Variants in TPD52 observed in about 807,000 individuals in gnomAD.
TPD52 encodes prostate and colon associated protein.
In TPD52, 17 loss-of-function variants were observed where a neutral mutation model predicts 31.3. The ratio of observed to expected loss-of-function variants is 0.54; its 90% confidence interval spans 0.37 to 0.82. The LOEUF is 0.82. Ranked by LOEUF, TPD52 falls within the 40% of genes least tolerant of loss-of-function variation. The pLI, the probability that TPD52 is intolerant of heterozygous loss-of-function variation, is 0.00. For synonymous variants in TPD52, 83 were observed against 89.6 expected (o/e 0.93, Z 0.42); for missense variants, 212 against 240.1 (o/e 0.88, Z 0.77).
At chr8:80,121,038 C>A (rs1173361474) in intron 1 of TPD52, among the ~76,000 whole-genome samples, 3 of 150,376 alleles carry the variant, frequency 2.0e-5, no homozygotes, top group Non-Finnish European at 4.4e-5. Context: ...GCTGAGATCA[C>A]GCCAGTGCAC....
At position 80,080,507 on chromosome 8, in the gene TPD52, T is replaced by C. The variant is rs1009652907; in HGVS notation, c.20-15914A>G. ...CTAATCGCCTGATATCAGCCTTCAG[T>C]TGAGTGCCGCTTTGGCCATATTCCC... On this transcript the variant is annotated intron_variant, in intron 1 of 7. Transcript: ENST00000518937. The C allele has an allele frequency of 4.5e-5, 72 of 1,602,720 alleles. 1 individual carries two copies. Among genetic ancestry groups the C allele is most frequent in the South Asian group, 3.5e-4 (31 of 89,484 alleles).
At chr8:80,044,351 G>C in intron 5 of TPD52, 143 bp from the exon 6 acceptor site, 1 of 658,844 alleles carries the variant, frequency 1.5e-6, no homozygotes, top group East Asian at 3.3e-5. Flanking sequence ...AGGTGGAGGG[G>C]ATCAAAGTTA....
intron 1 of TPD52, among the ~76,000 whole-genome samples, chr8:80,076,643 T>C (rs938902163): frequency 6.6e-6 from 1 of 152,060 alleles, no homozygotes. Flanking sequence ...AAGAAGCCTG[T>C]ACATGCACCC....
intron 1 of TPD52, among the ~76,000 whole-genome samples, chr8:80,072,434 T>G (rs1421945348): frequency 8.5e-5 from 9 of 106,124 alleles, no homozygotes; most frequent in African/African-American, 3.8e-4. Flanking sequence ...CACATAGATA[T>G]GCGTGTATAT....
At chr8:80,127,106 G>A (rs1808670384) in intron 1 of TPD52, among the ~76,000 whole-genome samples, 1 of 141,520 alleles carries the variant, frequency 7.1e-6, no homozygotes, top group South Asian at 2.3e-4. Flanking sequence ...GCAAGATGAT[G>A]TCTCAAAAAA....
chr8:80,107,105 C>T (rs1807188560), intron 1 of TPD52, among the ~76,000 whole-genome samples: 1 of 152,174 alleles, frequency 6.6e-6, no homozygotes, highest in Non-Finnish European at 1.5e-5. Flanking sequence ...CCCACCTCAG[C>T]CTCCCAAAGT....
intron 1 of TPD52, among the ~76,000 whole-genome samples, chr8:80,125,622 A>C (rs1411790759): frequency 6.6e-6 from 1 of 152,140 alleles, no homozygotes; most frequent in Non-Finnish European, 1.5e-5. Context: ...TGACTACAGG[A>C]TGTGTCTTGA....
downstream of TPD52, among the ~76,000 whole-genome samples, chr8:80,031,088 TTAAG>T (rs1243897427): frequency 6.6e-6 from 1 of 152,238 alleles, no homozygotes; most frequent in Non-Finnish European, 1.5e-5. Flanking sequence ...AACATCATTC[TTAAG>T]TGTTTATTAA....
intron 3 of TPD52, among the ~76,000 whole-genome samples, chr8:80,052,226 TG>T (rs1811451348): frequency 6.6e-6 from 1 of 152,212 alleles, no homozygotes; most frequent in African/African-American, 2.4e-5. Flanking sequence ...TATTCTAGTG[TG>T]GTATCTGCTA....
chr8:80,103,538 T>C lies in TPD52; in HGVS notation c.20-38945A>G, dbSNP rs138778343. On this transcript the variant is annotated intron_variant, in intron 1 of 7. Coordinates refer to ENST00000518937, the MANE Select transcript of TPD52 (RefSeq NM_001025253.3). ...TAAGATTTTCTTTTATCAGATCTGA[T>C]ATCAGAAGTGGGATCCAATGGACAC... 3.9e-3 allele frequency among the ~76,000 whole-genome samples: 592 copies of C among 152,348 alleles called. 3 individuals carry two copies. Among genetic ancestry groups the C allele is most frequent in the Admixed American group, 6.2e-3 (95 of 15,306 alleles).
intron 7 of TPD52, among the ~76,000 whole-genome samples, chr8:80,040,520 T>A (rs1046680316): frequency 1.3e-5 from 2 of 152,186 alleles, no homozygotes; most frequent in Non-Finnish European, 2.9e-5. Context: ...ATTACACTTT[T>A]TAATCTGAAT....
At chr8:80,042,419 T>C in intron 7 of TPD52, 4 of 985,488 alleles carry the variant, frequency 4.1e-6, no homozygotes, top group Non-Finnish European at 4.8e-6. Context: ...GCATGTGGCA[T>C]GCTGCCACAC....
chr8:80,169,871 T>C (rs1461445101), intron 1 of TPD52, among the ~76,000 whole-genome samples: 2 of 152,238 alleles, frequency 1.3e-5, no homozygotes, highest in African/African-American at 4.8e-5. Flanking sequence ...CAAGTCATCA[T>C]GTTATCCCAC....
rs534755801 is a variant in TPD52 at position 80,066,307 on chromosome 8, A to C, written c.20-1714T>G. Among the ~76,000 whole-genome samples, 65 of 152,290 alleles carry C rather than the reference A, an allele frequency of 4.3e-4. No individual in the cohort carries two copies. The South Asian group carries it at 7.9e-3, about 18-fold the overall frequency. ...AATAGCAGTTAATAATTATAATAAT[A>C]ATCATCAGCATGGCAGCACCAAAAT... On this transcript the variant is annotated intron_variant, in intron 1 of 7. Transcript: ENST00000518937.
chr8:80,125,047 A>C (rs866201481), intron 1 of TPD52, among the ~76,000 whole-genome samples: 3 of 152,210 alleles, frequency 2.0e-5, no homozygotes, highest in Non-Finnish European at 2.9e-5. Context: ...TGATGATTCT[A>C]ATGTACAAGT....
At chr8:80,090,738 C>T (rs765908635) in intron 1 of TPD52, among the ~76,000 whole-genome samples, 1 of 151,856 alleles carries the variant, frequency 6.6e-6, no homozygotes, top group Non-Finnish European at 1.5e-5. Context: ...TCTTTGGAGC[C>T]TCTTCTCTAG....
chr8:80,149,366 T>TA (rs1810421119), intron 1 of TPD52, among the ~76,000 whole-genome samples: 1 of 152,234 alleles, frequency 6.6e-6, no homozygotes, highest in African/African-American at 2.4e-5. Flanking sequence ...CCACCATGAT[T>TA]GTGAGGCCTC....
chr8:80,065,771 A>G (rs1262834106), intron 1 of TPD52, among the ~76,000 whole-genome samples: 3 of 152,066 alleles, frequency 2.0e-5, no homozygotes, highest in Non-Finnish European at 4.4e-5. Context: ...AAATTGTGAT[A>G]TTTTATTCAT....
chr8:80,108,056 G>A (rs1050009922), intron 1 of TPD52, among the ~76,000 whole-genome samples: 9 of 152,202 alleles, frequency 5.9e-5, no homozygotes, highest in East Asian at 1.9e-4. Flanking sequence ...AGATGATGGC[G>A]TGGGAGAAGG....
Sources: allele counts gnomAD v4.1 joint callset (sites outside exome capture counted in the v4.1 genomes callset), GRCh38; gene constraint gnomAD v4.1.1; transcripts MANE v1.5; gene names NCBI Gene and HGNC (gene_info 2026-07-23, HGNC 2026-07-21).